TRPM1: variants seen among roughly 807,000 people sequenced by gnomAD.
TRPM1 encodes the protein TRPM1-203 APA Isoform, Intron 10.
Under a neutral mutation model 149.4 loss-of-function variants are expected in TRPM1, and 113 were observed. That is an observed-to-expected ratio of 0.76 (90% confidence interval 0.65 to 0.88). The LOEUF (loss-of-function observed/expected upper bound fraction) is 0.88. TRPM1 is among the 40% of genes least tolerant of loss of function. The probability of loss-of-function intolerance (pLI) is 0.00; values close to 1 mark genes in which losing one functional copy is unlikely to be tolerated. For missense variants in TRPM1, 1,976 were observed against 2,038.7 expected (o/e 0.97, Z 0.59); for synonymous variants, 741 against 759.5 (o/e 0.98, Z 0.40).
intron 1 of TRPM1, among the ~76,000 whole-genome samples, chr15:31,114,785 C>G (rs2035774631): frequency 6.6e-6 from 1 of 152,110 alleles, no homozygotes; most frequent in South Asian, 2.1e-4. Flanking sequence ...GACAAACTAA[C>G]AGAGTTAATT....
intron 1 of TRPM1, among the ~76,000 whole-genome samples, chr15:31,139,135 G>T (rs2141050369): frequency 6.6e-6 from 1 of 152,260 alleles, no homozygotes; most frequent in Non-Finnish European, 1.5e-5. Context: ...GTAAGACTTT[G>T]CCACTTTTGA....
At chr15:31,161,144 T>C (rs2036441996) in exon 1 of TRPM1, 2 of 614,534 alleles carry the variant, frequency 3.3e-6, no homozygotes, top group African/African-American at 1.8e-5. Flanking sequence ...GGCCGGAGGC[T>C]GGTTCAGCCT....
At chr15:31,101,847 AG>A (rs1379136306), upstream of TRPM1, 5 of 438,844 alleles carry the variant, frequency 1.1e-5, no homozygotes, top group African/African-American at 1.1e-4. Context: ...CTCCCAGGCC[AG>A]AAAAGGAAGC....
chr15:31,129,408 G>A lies in TRPM1; in HGVS notation c.54+31498C>T, dbSNP rs75455388. On this transcript the variant is annotated intron_variant, in intron 1 of 26. Transcript: ENST00000542188. ...GCAGGGTTACTTCTCTTGCAGCTCCGTTGACAGAACCTCACCGCCTATGAG... is the reference window on the plus strand; with the variant it reads ...GCAGGGTTACTTCTCTTGCAGCTCCATTGACAGAACCTCACCGCCTATGAG... Among the ~76,000 whole-genome samples, 1,185 of 152,262 alleles carry A rather than the reference G, an allele frequency of 7.8e-3. 14 individuals carry two copies. The highest frequency in any genetic ancestry group is 0.027 in the African/African-American group (1,137 of 41,552).
intron 1 of TRPM1, among the ~76,000 whole-genome samples, chr15:31,110,843 T>TTC (rs202074559): frequency 4.6e-5 from 7 of 151,728 alleles, no homozygotes; most frequent in Non-Finnish European, 7.4e-5. Flanking sequence ...TCTGTTTTCT[T>TTC]TCTCTCTCTC....
At chr15:31,153,387 T>A (rs1022174030) in intron 1 of TRPM1, among the ~76,000 whole-genome samples, 2 of 152,202 alleles carry the variant, frequency 1.3e-5, no homozygotes, top group Admixed American at 1.3e-4. Context: ...TACAGTGGTG[T>A]GATCTTGGCT....
At chr15:31,119,584 A>G (rs1203161004) in intron 1 of TRPM1, among the ~76,000 whole-genome samples, 1 of 152,204 alleles carries the variant, frequency 6.6e-6, no homozygotes, top group Admixed American at 6.5e-5. Context: ...TAGAGAAGAA[A>G]TAAATAAAGG....
chr15:31,131,989 C>T (rs939962160), intron 1 of TRPM1, among the ~76,000 whole-genome samples: 1 of 152,236 alleles, frequency 6.6e-6, no homozygotes, highest in African/African-American at 2.4e-5. Flanking sequence ...GGCTTAGCCG[C>T]TGGGCCTGCT....
At chr15:31,050,771 C>T (rs980529645) in intron 11 of TRPM1, among the ~76,000 whole-genome samples, 189 bp from the exon 12 acceptor site, 4 of 152,166 alleles carry the variant, frequency 2.6e-5, no homozygotes, top group Admixed American at 6.5e-5. Flanking sequence ...CGGACTCCAT[C>T]CCATACACCT....
At chr15:31,104,696 C>G (rs868636515), upstream of TRPM1, among the ~76,000 whole-genome samples, 30 of 149,202 alleles carry the variant, frequency 2.0e-4, no homozygotes, top group African/African-American at 6.5e-4. Context: ...CAGGTTCACA[C>G]CATTCTCCTG....
At chr15:31,115,398 C>A (rs1252172878) in intron 1 of TRPM1, among the ~76,000 whole-genome samples, 1 of 152,060 alleles carries the variant, frequency 6.6e-6, no homozygotes, top group Non-Finnish European at 1.5e-5. Context: ...CTGTTTAGAT[C>A]AATCAGACAG....
chr15:31,158,862 C>G (rs1290992000), intron 1 of TRPM1, among the ~76,000 whole-genome samples: 1 of 151,908 alleles, frequency 6.6e-6, no homozygotes, highest in African/African-American at 2.4e-5. Context: ...ATTAGGAATC[C>G]CTTTGTTCTC....
chr15:31,148,785 T>G (rs2036255415), intron 1 of TRPM1, among the ~76,000 whole-genome samples: 1 of 152,296 alleles, frequency 6.6e-6, no homozygotes, highest in Non-Finnish European at 1.5e-5. Context: ...AGGAGGTGGC[T>G]GGCTGATTTT....
At chr15:31,061,656 T>C in intron 9 of TRPM1, 142 bp from the exon 10 acceptor site, 1 of 711,246 alleles carries the variant, frequency 1.4e-6, no homozygotes, top group Non-Finnish European at 2.4e-6. Context: ...TGCTGTTGAT[T>C]TCTTTTTTTT....
At chr15:31,063,028 A>G in intron 8 of TRPM1, 90 bp downstream of exon 8, 2 of 1,530,736 alleles carry the variant, frequency 1.3e-6, no homozygotes, top group Non-Finnish European at 1.8e-6. Context: ...ACACGTTTGG[A>G]ATGTCTAAGC....
chr15:31,110,157 C>T (rs1311808350), intron 1 of TRPM1, among the ~76,000 whole-genome samples: 7 of 152,158 alleles, frequency 4.6e-5, no homozygotes, highest in Non-Finnish European at 1.5e-5. Flanking sequence ...ACTACTACTA[C>T]TAGCTTAGTA....
intron 27 of TRPM1, among the ~76,000 whole-genome samples, chr15:31,013,534 G>C (rs539930708): frequency 1.5e-4 from 23 of 152,110 alleles, no homozygotes; most frequent in African/African-American, 5.5e-4. Context: ...TAATATCCAG[G>C]ATTCCTAAGG....
rs2034280174 is a variant in TRPM1 at position 31,063,158 on chromosome 15, C to G, written c.925G>C (p.Asp309His). 1 of 1,614,246 alleles carries G rather than the reference C, an allele frequency of 6.2e-7. No individual in the cohort carries two copies. ...VICDGSGRAS[D>H]ILSFAHKYCE... ...TACTTGTGCGCAAAGGACAGGATGT[C>G]CGAGGCACGTCCGCTGCCATCACAA... The change falls in exon 8 of 28, where the codon GAC (aspartate) becomes CAC (histidine). Residue 309 changes from aspartate (D) to histidine (H), a missense_variant. By Grantham distance (81) the Asp-to-His change is moderately conservative. This residue lies in a region of TRPM1 where 1,332 missense variants were observed against 1,347.1 expected (regional missense o/e 0.99). Coordinates refer to ENST00000256552, the MANE Select transcript of TRPM1 (RefSeq NM_001252024.2).
intron 27 of TRPM1, among the ~76,000 whole-genome samples, chr15:31,005,243 T>C (rs114813630): frequency 0.013 from 1,963 of 152,230 alleles, 37 homozygotes; most frequent in African/African-American, 0.046. Flanking sequence ...AAACATACAG[T>C]AAGAGATATT....
Sources: gnomAD v4.1 joint callset for allele counts (sites outside exome capture counted in the v4.1 genomes callset) on GRCh38, gnomAD v4.1.1 for gene constraint, gnomAD v4.1.1 regional missense constraint, MANE v1.5 for transcripts, NCBI Gene and HGNC (gene_info 2026-07-23, HGNC 2026-07-21) for gene names.